The following GOLGB1 variants were observed in gnomAD, a reference collection of about 807,000 sequenced individuals.
GOLGB1 encodes golgin subfamily B member 1.
Under a neutral mutation model 336.9 loss-of-function variants are expected in GOLGB1, and 174 were observed. The ratio of observed to expected loss-of-function variants is 0.52; its 90% CI spans 0.46 to 0.59. The LOEUF (loss-of-function observed/expected upper bound fraction) is 0.59, where lower values mean the gene tolerates loss of function less well. GOLGB1 is among the 20% of genes least tolerant of loss of function. GOLGB1 has a pLI of 0.00. For missense variants in GOLGB1, 3,331 were observed against 3,645.3 expected (o/e 0.91, Z 2.22); for synonymous variants, 1,208 against 1,289.2 (o/e 0.94, Z 1.35).
chr3:121,690,700 C>T lies in GOLGB1; in HGVS notation c.8664G>A (p.Met2888Ile). ...PAEVQSLKKA[M>I]SSLQNDRDRL... ...TGTCTCTGTCATTTTGGAGTGAAGACATAGCTTTTTTTAAACTCTGTACTT... is the reference window on the plus strand; with the variant it reads ...TGTCTCTGTCATTTTGGAGTGAAGATATAGCTTTTTTTAAACTCTGTACTT... The change falls in exon 14 of 22, where the codon ATG becomes ATA. Residue 2888 changes from methionine to isoleucine, a missense_variant. By Grantham distance (10) the Met-to-Ile change is conservative. Transcript: ENST00000614479. 1 of 1,519,456 alleles carries T rather than the reference C, an allele frequency of 6.6e-7. No homozygotes were observed. Among genetic ancestry groups the T allele is most frequent in the Non-Finnish European group, 8.8e-7 (1 of 1,137,276 alleles). The allele number at this position is 1,519,456 out of a possible 1,614,324, so 94.1% of individuals were successfully genotyped here.
rs535326275 is a variant in GOLGB1, at chr3:121,729,586, A to T, written c.250-246T>A. Among the ~76,000 whole-genome samples the T allele has an allele frequency of 1.0e-3, 152 of 151,772 alleles. 1 individual carries two copies. Among genetic ancestry groups the T allele is most frequent in the African/African-American group, 3.1e-3 (130 of 41,408 alleles). The stretch of plus-strand genomic sequence containing the variant: ...ATACCATGCCCAGCTAATTTTTTTT[A>T]AATTTTTTTTTGTGGAGACAGGGTC... On this transcript the variant is annotated intron_variant, in intron 3 of 21. Transcript: ENST00000614479.
At position 121,714,939 on chromosome 3, in the gene GOLGB1, A is replaced by C. The variant is rs1227166662; in HGVS notation, c.1326T>G (p.Phe442Leu). Residue 442 changes from phenylalanine to leucine, a missense_variant, in exon 10 of 22, where the codon TTT becomes TTG. By Grantham distance (22) the Phe-to-Leu change is conservative. Transcript: ENST00000614479. ...GTTGTTGCAAGGGCAGTCTATTTAG[A>C]AATTGGCTAATTTCTTTGGATTTTT... is the stretch of plus-strand genomic sequence containing the variant. The part of the protein sequence containing the change: ...LQQKSKEISQ[F>L]LNRLPLQQHE... 1 of 1,612,700 alleles carries C rather than the reference A, an allele frequency of 6.2e-7. No homozygotes were observed. The highest frequency in any genetic ancestry group is 2.2e-5 in the East Asian group (1 of 44,792).
rs1016468722 is a variant in GOLGB1 at position 121,668,071 on chromosome 3, G to A, written c.9409C>T (p.Pro3137Ser). The A allele has an allele frequency of 2.5e-6, 4 of 1,585,226 alleles. No homozygotes were observed. The highest frequency in any genetic ancestry group is 1.8e-5 in the Admixed American group (1 of 56,160). Residue 3137 changes from proline (P) to serine (S), a missense_variant, in exon 19 of 22, where the codon CCG becomes TCG. By Grantham distance (74) the Pro-to-Ser change is moderately conservative. Coordinates refer to ENST00000614479, the MANE Select transcript of GOLGB1 (RefSeq NM_001366282.2). ...GAGCCACTCCCCTACCTTTGCTGCG[G>A]TTCCCTTAGTTCCTCAGGGTCACTC... ...RKSDPEELREPQQSFSEAQQQ... is the reference protein window; with the variant it reads ...RKSDPEELRESQQSFSEAQQQ...
At position 121,692,256 on chromosome 3, in the gene GOLGB1, C is replaced by T. The variant is rs547801884; in HGVS notation, c.7108G>A (p.Ala2370Thr). 226 of 1,606,342 alleles carry T rather than the reference C, an allele frequency of 1.4e-4. 1 individual carries two copies. The South Asian group carries it at 2.1e-3, about 15-fold the overall frequency. The change falls in exon 14 of 22, where the codon GCC (alanine) becomes ACC (threonine). Residue 2370 changes from alanine (A) to threonine (T), a missense_variant. Coordinates refer to ENST00000614479, the MANE Select transcript of GOLGB1 (RefSeq NM_001366282.2). ...AGCCTACTGGTCAGTTCTCTGGAGG[C>T]CTGAAGATCAGTCTCCAGTTGTTCA... is the stretch of plus-strand genomic sequence containing the variant. ...SYEQLETDLQ[A>T]SRELTSRLHE...
At chr3:121,669,086 C>A in intron 18 of GOLGB1, 126 bp downstream of exon 18, 1 of 893,928 alleles carries the variant, frequency 1.1e-6, no homozygotes, top group Non-Finnish European at 1.7e-6. Context: ...TTAACTCTTT[C>A]TTCTCTCCCA....
chr3:121,708,831 G>C (rs984545119), intron 10 of GOLGB1, among the ~76,000 whole-genome samples: 3 of 151,894 alleles, frequency 2.0e-5, no homozygotes, highest in African/African-American at 7.3e-5. Flanking sequence ...GGAAAACAGA[G>C]GGGAAAAAAC....
In GOLGB1 at chr3:121,700,899, A is replaced by G. The variant is rs192570895; in HGVS notation, c.1520-1014T>C. ...CTGTTTTATTTTAAGCCTAATACTT[A>G]TCATTCTCTGAAATTTTCTTATGTG... On this transcript the variant is annotated intron_variant, in intron 11 of 21. Transcript: ENST00000614479. Among the ~76,000 whole-genome samples, 4 of 152,226 alleles carry G rather than the reference A, an allele frequency of 2.6e-5. No homozygotes were observed. The East Asian group carries it at 7.7e-4, about 29-fold the overall frequency.
At chr3:121,707,202 G>A (rs1192489433) in intron 10 of GOLGB1, among the ~76,000 whole-genome samples, 3 of 140,600 alleles carry the variant, frequency 2.1e-5, no homozygotes, top group African/African-American at 7.9e-5. Context: ...CCTCCAGCCT[G>A]GTGACAAAGT....
chr3:121,683,891 G>C (rs1429109518), intron 14 of GOLGB1, among the ~76,000 whole-genome samples: 1 of 151,706 alleles, frequency 6.6e-6, no homozygotes, highest in Admixed American at 6.6e-5. Context: ...GCACTTTGGG[G>C]GGCCGAGGTG....
chr3:121,694,033 T>C lies in GOLGB1; in HGVS notation c.6490A>G (p.Ile2164Val), dbSNP rs1405766953. 9 of 1,614,128 alleles carry C rather than the reference T, an allele frequency of 5.6e-6. No individual in the cohort carries two copies. The Middle Eastern group carries it at 6.6e-4, about 118-fold the overall frequency. ...TTCAAAGTAACCTGAATCTCTCCAA[T>C]TGTCTCTTCCAAGTGGACTTTTTCT... ...RREKVHLEET[I>V]GEIQVTLNKK... Residue 2164 changes from isoleucine (I) to valine (V), a missense_variant, in exon 13 of 22, where the codon ATT becomes GTT. Physicochemically the swap from Ile to Val is conservative, Grantham distance 29. Coordinates refer to ENST00000614479, the MANE Select transcript of GOLGB1 (RefSeq NM_001366282.2).
At chr3:121,740,068 G>T (rs931725382) in intron 1 of GOLGB1, among the ~76,000 whole-genome samples, 3 of 152,176 alleles carry the variant, frequency 2.0e-5, no homozygotes, top group African/African-American at 4.8e-5. Context: ...AGGGGTTGGG[G>T]TGGGAAGTGA....
chr3:121,694,075 G>A lies in GOLGB1; in HGVS notation c.6448C>T (p.Leu2150=). 1 of 1,614,016 alleles carries A rather than the reference G, an allele frequency of 6.2e-7. No individual in the cohort carries two copies. Among genetic ancestry groups the A allele is most frequent in the South Asian group, 1.1e-5 (1 of 91,080 alleles). The change falls in exon 13 of 22, where the codon CTG becomes TTG. Residue 2150 remains leucine, a synonymous_variant. Coordinates refer to ENST00000614479, the MANE Select transcript of GOLGB1 (RefSeq NM_001366282.2). ...LKEKKNMQEK[L]DALRREKVHL... ...ACTTTTTCTCTGCGCAAAGCATCCA[G>A]TTTCTCTTGCATATTCTTCTTCTCT...
At chr3:121,729,000 C>T in intron 4 of GOLGB1, 188 bp downstream of exon 4, 2 of 407,590 alleles carry the variant, frequency 4.9e-6, no homozygotes, top group South Asian at 7.7e-5. Context: ...GTTTTCTGTA[C>T]ATCTTTCATT....
rs1474197495 is a variant in GOLGB1, at chr3:121,749,695, G to C, written c.-66C>G. The C allele has an allele frequency of 6.5e-6, 1 of 152,712 alleles. No individual in the cohort carries two copies. Among genetic ancestry groups the C allele is most frequent in the African/African-American group, 2.4e-5 (1 of 41,462 alleles). The allele number at this position is 152,712 out of a possible 1,614,324, so 9.5% of individuals were successfully genotyped here. ...CCCAATTCAAGCCACGTCAGCTCGG[G>C]AAGCCCGTACGCGACACCTTCCACC... On this transcript the variant is annotated 5_prime_UTR_variant, in exon 1 of 22. Transcript: ENST00000614479.
chr3:121,665,838 T>C (rs1320368097), intron 20 of GOLGB1, among the ~76,000 whole-genome samples: 1 of 152,238 alleles, frequency 6.6e-6, no homozygotes, highest in Non-Finnish European at 1.5e-5. Flanking sequence ...TTTAATATTC[T>C]TGGGCTCTCT....
chr3:121,694,726 T>A lies in GOLGB1; in HGVS notation c.5797A>T (p.Asn1933Tyr). Reference sequence around the variant, plus strand: ...CTTCCATTAAGTTCTGCTAATTGATTCATAAGCCTCTCTTCCAAATCATCT... The same window carrying A: ...CTTCCATTAAGTTCTGCTAATTGATACATAAGCCTCTCTTCCAAATCATCT... ...EKDDLEERLM[N>Y]QLAELNGSIG... Residue 1933 changes from asparagine to tyrosine, a missense_variant, in exon 13 of 22, where the codon AAT becomes TAT. Asn to Tyr is a moderately radical substitution (Grantham distance 143). Coordinates refer to ENST00000614479, the MANE Select transcript of GOLGB1 (RefSeq NM_001366282.2). The A allele has an allele frequency of 6.2e-7, 1 of 1,612,392 alleles. No individual in the cohort carries two copies. Among genetic ancestry groups the A allele is most frequent in the Non-Finnish European group, 8.5e-7 (1 of 1,179,940 alleles).
intron 21 of GOLGB1, 132 bp from the exon 22 acceptor site, chr3:121,664,746 C>T: frequency 1.1e-6 from 1 of 939,164 alleles, no homozygotes; most frequent in Admixed American, 2.1e-5. Context: ...GGAAAGTTGC[C>T]TCAGAGTCAA....
intron 1 of GOLGB1, among the ~76,000 whole-genome samples, chr3:121,741,324 G>C (rs1946838221): frequency 6.6e-6 from 1 of 152,032 alleles, no homozygotes; most frequent in Non-Finnish European, 1.5e-5. Context: ...AAAGACTGGA[G>C]GAGAGACAGC....
At chr3:121,749,423 C>G (rs887522688) in intron 1 of GOLGB1, among the ~76,000 whole-genome samples, 2 of 152,162 alleles carry the variant, frequency 1.3e-5, no homozygotes, top group Admixed American at 1.3e-4. Flanking sequence ...CGAAGGCCCA[C>G]CGGAGAGGCC....
Sources: gnomAD v4.1 joint callset for allele counts (sites outside exome capture counted in the v4.1 genomes callset) on GRCh38, gnomAD v4.1.1 for gene constraint, MANE v1.5 for transcripts, NCBI Gene and HGNC (gene_info 2026-07-23, HGNC 2026-07-21) for gene names.